MED13L: variants seen among roughly 807,000 people sequenced by gnomAD.
The protein encoded by MED13L is mediator complex subunit 13L.
A neutral mutation model predicts 220.9 loss-of-function variants in MED13L; 7 were observed. The observed-to-expected ratio is 0.03, with a 90% CI of 0.02 to 0.06. The LOEUF (loss-of-function observed/expected upper bound fraction) is 0.06. Among genes scored for constraint, MED13L ranks in the 10% least tolerant of loss-of-function variants. The pLI, the probability that MED13L is intolerant of heterozygous loss-of-function variation, is 1.00. For synonymous variants in MED13L, 1,011 were observed against 1,015.2 expected (o/e 1.00, Z 0.08); for missense variants, 1,965 against 2,760.5 (o/e 0.71, Z 6.46).
At chr12:115,975,067 T>TTA (rs1204469234) in intron 25 of MED13L, 104 bp downstream of exon 25, 4 of 1,204,980 alleles carry the variant, frequency 3.3e-6, no homozygotes, top group Non-Finnish European at 4.8e-6. Context: ...TAGAATCTGT[T>TTA]TAATTCTTAC....
intron 2 of MED13L, among the ~76,000 whole-genome samples, chr12:116,142,485 C>A (rs182179091): frequency 1.3e-5 from 2 of 152,136 alleles, no homozygotes; most frequent in East Asian, 3.9e-4. Context: ...GGCAGGAGTT[C>A]GAGACCAGCC....
intron 2 of MED13L, among the ~76,000 whole-genome samples, chr12:116,158,511 A>G (rs965764726): frequency 6.6e-6 from 1 of 152,214 alleles, no homozygotes; most frequent in African/African-American, 2.4e-5. Context: ...GGCAAAGATA[A>G]GTCCGATTTG....
intron 2 of MED13L, among the ~76,000 whole-genome samples, chr12:116,210,551 C>CTATATATATATA (rs3043762): frequency 1.4e-3 from 162 of 113,618 alleles, no homozygotes; most frequent in South Asian, 4.5e-3. Flanking sequence ...AGAACGTAAC[C>CTATATATATATA]TATATATATA....
intron 2 of MED13L, among the ~76,000 whole-genome samples, chr12:116,136,488 C>T (rs1876568482): frequency 6.6e-6 from 1 of 152,112 alleles, no homozygotes; most frequent in Admixed American, 6.5e-5. Context: ...AAGAACGATG[C>T]ATTCACGCCA....
intron 2 of MED13L, 23 bp from the exon 3 acceptor site, chr12:116,111,535 A>G: frequency 6.4e-7 from 1 of 1,571,344 alleles, no homozygotes; most frequent in East Asian, 2.2e-5. Context: ...AGAAAAAAGA[A>G]AAAAAAAGAA....
chr12:116,255,929 G>A (rs1448027500), intron 1 of MED13L, among the ~76,000 whole-genome samples: 1 of 152,156 alleles, frequency 6.6e-6, no homozygotes, highest in African/African-American at 2.4e-5. Flanking sequence ...GGGACGCTCA[G>A]CCAGTATAAT....
intron 28 of MED13L, 89 bp downstream of exon 28, chr12:115,968,851 C>CA: frequency 1.3e-6 from 2 of 1,515,790 alleles, no homozygotes; most frequent in Non-Finnish European, 9.1e-7. Flanking sequence ...AAGAACTGTG[C>CA]AAGTAGGAAC....
intron 2 of MED13L, among the ~76,000 whole-genome samples, chr12:116,210,182 T>C (rs1882601732): frequency 6.6e-6 from 1 of 152,172 alleles, no homozygotes; most frequent in African/African-American, 2.4e-5. Context: ...AAATGATTTC[T>C]AATCACTACA....
chr12:116,200,388 A>G (rs567085857), intron 2 of MED13L, among the ~76,000 whole-genome samples: 1 of 152,310 alleles, frequency 6.6e-6, no homozygotes, highest in Middle Eastern at 3.4e-3. Context: ...ATTCACAATA[A>G]ATTTTCACAC....
chr12:116,017,866 A>G (rs1485919416), intron 7 of MED13L, among the ~76,000 whole-genome samples: 2 of 151,862 alleles, frequency 1.3e-5, no homozygotes, highest in African/African-American at 2.4e-5. Context: ...TCCACCTGCC[A>G]TGACTTTCCA....
chr12:116,212,364 T>C (rs537927582), intron 2 of MED13L, among the ~76,000 whole-genome samples: 1 of 151,142 alleles, frequency 6.6e-6, no homozygotes, highest in East Asian at 1.9e-4. Context: ...GTTGATAGTA[T>C]TATTATTTTC....
intron 4 of MED13L, among the ~76,000 whole-genome samples, chr12:116,087,600 C>T (rs887174080): frequency 4.6e-5 from 7 of 152,150 alleles, no homozygotes; most frequent in African/African-American, 7.2e-5. Flanking sequence ...CAGCACACTA[C>T]GAATCAAACA....
At chr12:116,111,609 G>C in intron 2 of MED13L, 97 bp from the exon 3 acceptor site, 2 of 895,870 alleles carry the variant, frequency 2.2e-6, no homozygotes, top group Non-Finnish European at 3.4e-6. Flanking sequence ...CAAAGTTCAT[G>C]AGTTAATTTA....
intron 2 of MED13L, among the ~76,000 whole-genome samples, chr12:116,195,185 G>A (rs1025922897): frequency 6.6e-6 from 1 of 152,100 alleles, no homozygotes; most frequent in Admixed American, 6.6e-5. Flanking sequence ...CCCACTGCCT[G>A]GCCAACTGGA....
intron 4 of MED13L, among the ~76,000 whole-genome samples, chr12:116,079,545 T>C (rs149450406): frequency 9.6e-4 from 146 of 152,160 alleles, no homozygotes; most frequent in African/African-American, 3.4e-3. Flanking sequence ...ATTTTATTAT[T>C]ATTATTTATG....
chr12:116,021,532 T>C (rs914457703), intron 5 of MED13L, among the ~76,000 whole-genome samples: 1 of 152,158 alleles, frequency 6.6e-6, no homozygotes, highest in Admixed American at 6.6e-5. Flanking sequence ...AACAGATGCT[T>C]TCATTGAATT....
At chr12:116,005,654 C>G (rs373864035) in intron 13 of MED13L, among the ~76,000 whole-genome samples, 1 of 152,124 alleles carries the variant, frequency 6.6e-6, no homozygotes, top group Non-Finnish European at 1.5e-5. Context: ...GGTGGATACA[C>G]TACACTAATA....
Position 116,033,278 on chromosome 12 carries a change from G to A in MED13L, c.480-10677C>T, listed in dbSNP as rs115939778. 2.5e-3 allele frequency among the ~76,000 whole-genome samples: 384 copies of A among 152,042 alleles called. 3 individuals carry two copies. Among genetic ancestry groups the A allele is most frequent in the African/African-American group, 8.6e-3 (356 of 41,480 alleles). On this transcript the variant is annotated intron_variant, in intron 4 of 30. Transcript: ENST00000281928. ...AATATTTCTGACTAATAAACACCTG[G>A]GCTTATACCTGAAATTCGTTCACAA...
chr12:115,993,290 T>C (rs543647112), intron 16 of MED13L, among the ~76,000 whole-genome samples: 2 of 152,258 alleles, frequency 1.3e-5, no homozygotes, highest in Non-Finnish European at 2.9e-5. Flanking sequence ...TCTTCCTACT[T>C]AGAAGGTATC....
Sources: gnomAD v4.1 joint callset for allele counts (sites outside exome capture counted in the v4.1 genomes callset) on GRCh38, gnomAD v4.1.1 for gene constraint, MANE v1.5 for transcripts, NCBI Gene and HGNC (gene_info 2026-07-23, HGNC 2026-07-21) for gene names.